The following PDS5A variants were observed in gnomAD, a reference collection of about 807,000 sequenced individuals.
PDS5A encodes the protein sister chromatid cohesion protein PDS5 homolog A.
A neutral mutation model predicts 167.1 loss-of-function variants in PDS5A; 42 were observed. The observed-to-expected ratio is 0.25, with a 90% confidence interval of 0.20 to 0.33. The LOEUF (loss-of-function observed/expected upper bound fraction) is 0.33, where lower values mean the gene tolerates loss of function less well. Among genes scored for constraint, PDS5A ranks in the 10% least tolerant of loss-of-function variants. The probability of loss-of-function intolerance (pLI) is 1.00; values close to 1 mark genes in which losing one functional copy is unlikely to be tolerated. For missense variants in PDS5A, 1,033 were observed against 1,605.9 expected, an observed-to-expected ratio of 0.64 and a Z score of 6.10; for synonymous variants, 553 against 554.6, an observed-to-expected ratio of 1.00 and a Z score of 0.04.
chr4:39,908,480 G>C lies in PDS5A; in HGVS notation c.1148C>G (p.Thr383Ser). The change falls in exon 11 of 33, where the codon ACT (threonine) becomes AGT (serine). Residue 383 changes from threonine (T) to serine (S), a missense_variant. Transcript: ENST00000303538. ...EEAIRHDVIV[T>S]IITAAKRDLA... ...GTCCCTCTTGGCAGCTGTTATTATA[G>C]TAACAATGACATCATGACGAATAGC... The C allele has an allele frequency of 6.3e-7, 1 of 1,597,534 alleles. No individual in the cohort carries two copies. The highest frequency in any genetic ancestry group is 8.6e-7 in the Non-Finnish European group (1 of 1,164,976).
Position 39,974,364 on chromosome 4 carries a change from C to T in PDS5A, c.138+2076G>A, listed in dbSNP as rs1264710557. ...CTTTCCATTTTTTAACCAAATTATC[C>T]AACATTAGAATTCAAGGTTTCAATA... On this transcript the variant is annotated intron_variant, in intron 2 of 32. Coordinates refer to ENST00000303538, the MANE Select transcript of PDS5A (RefSeq NM_001100399.2). 15 of 438,032 alleles carry T rather than the reference C, an allele frequency of 3.4e-5. No homozygotes were observed. In the Admixed American group the frequency reaches 3.7e-4, roughly 11 times the overall value. 27.1% of individuals were successfully genotyped at this position (438,032 alleles called of 1,614,324 possible). A position where few individuals can be genotyped will look rare whatever the true frequency, so the allele number is the denominator to read the frequency against.
At chr4:39,836,614 T>TC (rs1716419129) in intron 32 of PDS5A, among the ~76,000 whole-genome samples, 1 of 70,162 alleles carries the variant, frequency 1.4e-5, no homozygotes, top group Non-Finnish European at 3.2e-5. Flanking sequence ...GATTTTTTTC[T>TC]ATTTTTTTTT....
At chr4:39,897,310 G>A (rs543591749) in intron 16 of PDS5A, among the ~76,000 whole-genome samples, 5 of 152,206 alleles carry the variant, frequency 3.3e-5, no homozygotes, top group African/African-American at 9.6e-5. Flanking sequence ...CACAAGAATC[G>A]TCTGAACCCA....
intron 21 of PDS5A, among the ~76,000 whole-genome samples, chr4:39,871,985 C>T (rs1044249150): frequency 2.4e-4 from 36 of 152,126 alleles, no homozygotes; most frequent in Non-Finnish European, 4.4e-4. Context: ...GGATTACAGG[C>T]GTGAGCCACC....
At chr4:39,848,786 G>C (rs1717863723) in intron 28 of PDS5A, 65 bp downstream of exon 28, 1 of 1,380,730 alleles carries the variant, frequency 7.2e-7, no homozygotes. Context: ...TTGCCACAAT[G>C]GTTGATGGTA....
At chr4:39,928,613 T>C (rs1423228892) in intron 2 of PDS5A, among the ~76,000 whole-genome samples, 1 of 152,136 alleles carries the variant, frequency 6.6e-6, no homozygotes, top group Non-Finnish European at 1.5e-5. Context: ...CACTTCATAA[T>C]AAAAAGTCAT....
At chr4:39,861,801 AT>A (rs1209848707) in intron 26 of PDS5A, among the ~76,000 whole-genome samples, 1 of 152,202 alleles carries the variant, frequency 6.6e-6, no homozygotes, top group Non-Finnish European at 1.5e-5. Context: ...ATGTATCAAA[AT>A]TTTTTAAAAG....
intron 32 of PDS5A, among the ~76,000 whole-genome samples, chr4:39,833,326 C>T (rs1333606271): frequency 6.6e-6 from 1 of 151,482 alleles, no homozygotes; most frequent in Non-Finnish European, 1.5e-5. Context: ...GGCGAAATCA[C>T]TGATGCTTTA....
chr4:39,928,199 T>C (rs1457999144), intron 2 of PDS5A, 35 bp from the exon 3 acceptor site: 2 of 1,363,110 alleles, frequency 1.5e-6, no homozygotes, highest in Non-Finnish European at 2.1e-6. Context: ...AATAATTAAC[T>C]CCTGGAATTT....
intron 22 of PDS5A, among the ~76,000 whole-genome samples, chr4:39,868,049 T>C (rs536621398): frequency 6.6e-6 from 1 of 152,272 alleles, no homozygotes; most frequent in South Asian, 2.1e-4. Flanking sequence ...ACTGATAGAA[T>C]ATATGATGAC....
In PDS5A at chr4:39,927,684, C is replaced by A. The variant is rs528638227; in HGVS notation, c.342+277G>T. ...CTATTTATCCCTGGAACATAGCTAT[C>A]TGGGCTTTTGTGATGAATTAGCCAG... On this transcript the variant is annotated intron_variant, in intron 3 of 32. Transcript: ENST00000303538. 9.2e-5 allele frequency among the ~76,000 whole-genome samples: 14 copies of A among 152,268 alleles called. No individual in the cohort carries two copies. The South Asian group carries it at 2.1e-3, about 23-fold the overall frequency.
At chr4:39,864,403 CA>C (rs1454157493) in intron 23 of PDS5A, among the ~76,000 whole-genome samples, 1 of 152,114 alleles carries the variant, frequency 6.6e-6, no homozygotes, top group Non-Finnish European at 1.5e-5. Flanking sequence ...GTAAAGTTTT[CA>C]AATGGAACCT....
chr4:39,830,384 G>T (rs1034134122), intron 32 of PDS5A, among the ~76,000 whole-genome samples: 3 of 152,042 alleles, frequency 2.0e-5, no homozygotes, highest in African/African-American at 7.3e-5. Context: ...TGTAGAGACA[G>T]GGTCTTGCTA....
chr4:39,902,172 C>T (rs1452893054), intron 13 of PDS5A, among the ~76,000 whole-genome samples, 175 bp downstream of exon 13: 3 of 152,188 alleles, frequency 2.0e-5, no homozygotes, highest in Non-Finnish European at 4.4e-5. Flanking sequence ...CAAGCCTACA[C>T]ATATAAGAAT....
chr4:39,950,875 G>A (rs183992766), intron 2 of PDS5A, among the ~76,000 whole-genome samples: 15 of 152,202 alleles, frequency 9.9e-5, no homozygotes, highest in Admixed American at 9.8e-4. Flanking sequence ...ACAGGTGGGA[G>A]CCACTATGCC....
At chr4:39,831,837 T>C (rs931053197) in intron 32 of PDS5A, among the ~76,000 whole-genome samples, 11 of 118,858 alleles carry the variant, frequency 9.3e-5, no homozygotes, top group African/African-American at 2.2e-4. Flanking sequence ...GATCACACCA[T>C]TGCACTCCAG....
intron 11 of PDS5A, among the ~76,000 whole-genome samples, chr4:39,906,291 C>T (rs35681692): frequency 0.16 from 24,846 of 151,744 alleles, 2,156 homozygotes; most frequent in East Asian, 0.29. Flanking sequence ...TCGCTTGAGC[C>T]TGGGAAGAGG....
chr4:39,856,461 C>T (rs1273520630), intron 26 of PDS5A, among the ~76,000 whole-genome samples: 2 of 152,162 alleles, frequency 1.3e-5, no homozygotes, highest in African/African-American at 4.8e-5. Flanking sequence ...CATACAGGTA[C>T]ATTTAAAAGA....
chr4:39,969,960 C>CT (rs10593975), intron 2 of PDS5A, among the ~76,000 whole-genome samples: 2,740 of 143,090 alleles, frequency 0.019, 37 homozygotes, highest in Non-Finnish European at 0.025. Flanking sequence ...AATGTAGAAT[C>CT]TTTTTTTTTT....
Sources: gnomAD v4.1 joint callset for allele counts (sites outside exome capture counted in the v4.1 genomes callset) on GRCh38, gnomAD v4.1.1 for gene constraint, MANE v1.5 for transcripts, NCBI Gene and HGNC (gene_info 2026-07-23, HGNC 2026-07-21) for gene names.